ANKS1A: variants seen among roughly 807,000 people sequenced by gnomAD.
The protein encoded by ANKS1A is ankyrin repeat and sterile alpha motif domain containing 1A.
ANKS1A carries 55 observed loss-of-function variants against 120.3 expected under a neutral mutation model. The observed-to-expected ratio is 0.46, with a 90% CI of 0.37 to 0.57. ANKS1A has a LOEUF of 0.57. Ranked by LOEUF, ANKS1A falls within the 20% of genes least tolerant of loss-of-function variation. The pLI is 0.00. For missense variants in ANKS1A, 1,123 were observed against 1,480.3 expected, an observed-to-expected ratio of 0.76 and a Z score of 3.96; for synonymous variants, 590 against 604.7, an observed-to-expected ratio of 0.98 and a Z score of 0.36.
At chr6:34,974,769 T>A (rs1472803778) in intron 3 of ANKS1A, among the ~76,000 whole-genome samples, 1 of 152,176 alleles carries the variant, frequency 6.6e-6, no homozygotes, top group Non-Finnish European at 1.5e-5. Flanking sequence ...TAAGATAATA[T>A]ATATAAAGTA....
intron 1 of ANKS1A, among the ~76,000 whole-genome samples, chr6:34,966,773 C>T (rs1770913928): frequency 6.6e-6 from 1 of 152,176 alleles, no homozygotes; most frequent in African/African-American, 2.4e-5. Flanking sequence ...GCAAAATCGT[C>T]TCTTGCATCT....
intron 1 of ANKS1A, among the ~76,000 whole-genome samples, chr6:34,947,142 CTTTTT>C (rs71002514): frequency 9.8e-6 from 1 of 101,994 alleles, no homozygotes; most frequent in Non-Finnish European, 1.9e-5. Context: ...ATAGTAGACT[CTTTTT>C]TTTTTTTTTT....
chr6:34,986,973 C>G (rs1324669581), intron 8 of ANKS1A, among the ~76,000 whole-genome samples: 3 of 152,238 alleles, frequency 2.0e-5, no homozygotes, highest in Non-Finnish European at 4.4e-5. Context: ...AGAAGCTGCT[C>G]AGGGTTACTG....
chr6:35,028,474 T>G (rs1179280195), intron 11 of ANKS1A, among the ~76,000 whole-genome samples: 1 of 152,258 alleles, frequency 6.6e-6, no homozygotes, highest in Non-Finnish European at 1.5e-5. Context: ...ATGGAATGTT[T>G]ATACCTTAGG....
At chr6:35,077,981 G>A (rs1443491585) in intron 13 of ANKS1A, among the ~76,000 whole-genome samples, 6 of 152,268 alleles carry the variant, frequency 3.9e-5, no homozygotes, top group East Asian at 1.9e-4. Context: ...CAGCTGCTCC[G>A]TTGAGGCCAG....
chr6:34,993,011 A>T (rs1294596530), intron 9 of ANKS1A, among the ~76,000 whole-genome samples: 1 of 152,136 alleles, frequency 6.6e-6, no homozygotes, highest in Non-Finnish European at 1.5e-5. Flanking sequence ...TTTGCCAAGG[A>T]ATCACATTTT....
intron 11 of ANKS1A, among the ~76,000 whole-genome samples, chr6:35,025,251 T>TCC (rs1554147786): frequency 3.4e-5 from 5 of 148,482 alleles, no homozygotes; most frequent in Non-Finnish European, 7.5e-5. Flanking sequence ...TATATGTGTA[T>TCC]ACACACACAC....
intron 11 of ANKS1A, among the ~76,000 whole-genome samples, chr6:35,030,262 T>C (rs1774838213): frequency 6.6e-6 from 1 of 152,240 alleles, no homozygotes; most frequent in Non-Finnish European, 1.5e-5. Flanking sequence ...TTGGTCTTTG[T>C]GTATGAAGGA....
Position 35,054,217 on chromosome 6 carries a change from T to C in ANKS1A, c.2077+52T>C, listed in dbSNP as rs754559285. ...CACAGAAACTGGCAGTCTGGCTCTT[T>C]TCTGGCTCAGGCTTTCCTCTAACAC... On this transcript the variant is annotated intron_variant, in intron 12 of 23. Transcript: ENST00000360359. The C allele has an allele frequency of 1.0e-5, 16 of 1,569,052 alleles. No individual in the cohort carries two copies. In the South Asian group the frequency reaches 1.2e-4, roughly 12 times the overall value.
chr6:34,950,385 C>G (rs543912059), intron 1 of ANKS1A, among the ~76,000 whole-genome samples: 1 of 151,962 alleles, frequency 6.6e-6, no homozygotes, highest in Non-Finnish European at 1.5e-5. Flanking sequence ...CCCGCCACCA[C>G]GCCCAGCTAA....
At chr6:34,955,918 G>T (rs1174152016) in intron 1 of ANKS1A, among the ~76,000 whole-genome samples, 1 of 152,056 alleles carries the variant, frequency 6.6e-6, no homozygotes, top group Admixed American at 6.6e-5. Context: ...CTCTCAAACT[G>T]TGTTCTCTTT....
chr6:34,951,112 G>C lies in ANKS1A; in HGVS notation c.198-16127G>C, dbSNP rs139282355. ...ATACTGTACTTACTGTTATGCAGCT[G>C]CATTTTCCACGTCGTAGATCTTCAT... On this transcript the variant is annotated intron_variant, in intron 1 of 23. Coordinates refer to ENST00000360359, the MANE Select transcript of ANKS1A (RefSeq NM_015245.3). Among the ~76,000 whole-genome samples, 282 of 152,228 alleles carry C rather than the reference G, an allele frequency of 1.9e-3. 1 individual carries two copies. Among genetic ancestry groups the C allele is most frequent in the African/African-American group, 6.3e-3 (261 of 41,536 alleles).
chr6:35,059,694 G>C (rs1776391013), intron 12 of ANKS1A, among the ~76,000 whole-genome samples: 1 of 152,242 alleles, frequency 6.6e-6, no homozygotes, highest in African/African-American at 2.4e-5. Flanking sequence ...AAGTTGCATG[G>C]ATGAGAGGAG....
At chr6:34,964,497 T>G (rs767744917) in intron 1 of ANKS1A, among the ~76,000 whole-genome samples, 6 of 152,220 alleles carry the variant, frequency 3.9e-5, no homozygotes, top group Non-Finnish European at 7.3e-5. Context: ...TTCGTCGCTT[T>G]CTTATAACAT....
At chr6:34,974,724 A>G (rs986992218) in intron 3 of ANKS1A, among the ~76,000 whole-genome samples, 23 of 152,186 alleles carry the variant, frequency 1.5e-4, no homozygotes, top group Middle Eastern at 3.2e-3. Flanking sequence ...ATACGGCACT[A>G]TAATCTACCT....
rs2127620474 is a variant in ANKS1A at position 35,090,117 on chromosome 6, G to A, written c.*1508G>A. On this transcript the variant is annotated 3_prime_UTR_variant, in exon 24 of 24. Coordinates refer to ENST00000360359, the MANE Select transcript of ANKS1A (RefSeq NM_015245.3). ...TATCTGCTAAGCACCCAGCAGGTTG[G>A]GGCCTGGGACTCAGCTCTCTCTGCG... 7.8e-7 allele frequency: 1 copy of A among 1,289,328 alleles called. No homozygotes were observed. The allele number at this position is 1,289,328 out of a possible 1,614,324, so 79.9% of individuals were successfully genotyped here. A position where few individuals can be genotyped will look rare whatever the true frequency, so the allele number is the denominator to read the frequency against.
chr6:35,025,144 T>C (rs530557017), intron 11 of ANKS1A, among the ~76,000 whole-genome samples: 11 of 152,264 alleles, frequency 7.2e-5, no homozygotes, highest in African/African-American at 2.6e-4. Context: ...TGAGGTAATT[T>C]GTTCATATTT....
At chr6:34,991,782 A>G (rs1162029267) in intron 9 of ANKS1A, among the ~76,000 whole-genome samples, 1 of 143,706 alleles carries the variant, frequency 7.0e-6, no homozygotes, top group African/African-American at 2.6e-5. Flanking sequence ...ATATATACAC[A>G]CATATATATA....
At chr6:35,091,998 C>A (rs2127622429), downstream of ANKS1A, among the ~76,000 whole-genome samples, 1 of 152,320 alleles carries the variant, frequency 6.6e-6, no homozygotes, top group Middle Eastern at 3.4e-3. Context: ...GTCATAGCGG[C>A]CCCTTCACTG....
Sources: gnomAD v4.1 joint callset for allele counts (sites outside exome capture counted in the v4.1 genomes callset) on GRCh38, gnomAD v4.1.1 for gene constraint, MANE v1.5 for transcripts, NCBI Gene and HGNC (gene_info 2026-07-23, HGNC 2026-07-21) for gene names.